The following CRB1 variants were observed in gnomAD, a reference collection of about 807,000 sequenced individuals.
The protein encoded by CRB1 is crumbs cell polarity complex component 1.
A neutral mutation model predicts 120.0 loss-of-function variants in CRB1; 83 were observed. The observed-to-expected ratio is 0.69, with a 90% CI of 0.58 to 0.83. The LOEUF is 0.83. Among genes scored for constraint, CRB1 ranks in the 40% least tolerant of loss-of-function variants. The probability of loss-of-function intolerance (pLI) is 0.00; values close to 1 mark genes in which losing one functional copy is unlikely to be tolerated. For synonymous variants in CRB1, 625 were observed against 612.5 expected (o/e 1.02, Z -0.30); for missense variants, 1,699 against 1,687.6 (o/e 1.01, Z -0.12).
At chr1:197,217,899 A>G in the CRB1 span, among the ~76,000 whole-genome samples, 1 of 152,230 alleles carries the variant, frequency 6.6e-6, no homozygotes, top group Non-Finnish European at 1.5e-5. Context: ...AAAACATAGT[A>G]CTTGTTGCCC....
chr1:197,297,926 G>A (rs1656631294), intron 1 of CRB1, among the ~76,000 whole-genome samples: 1 of 152,116 alleles, frequency 6.6e-6, no homozygotes. Flanking sequence ...ACCCTGGCCA[G>A]TAGGTTCATG....
intron 5 of CRB1, among the ~76,000 whole-genome samples, chr1:197,394,134 A>G (rs1000547928): frequency 3.3e-5 from 5 of 152,012 alleles, no homozygotes; most frequent in South Asian, 2.1e-4. Flanking sequence ...TGCCTGTGCC[A>G]TGCTGGAGAC....
chr1:197,457,452 A>C (rs1571606222), intron 11 of CRB1, among the ~76,000 whole-genome samples: 1 of 152,112 alleles, frequency 6.6e-6, no homozygotes, highest in South Asian at 2.1e-4. Context: ...GAGCATCTGC[A>C]TCTATTACCA....
chr1:197,247,088 A>G, the CRB1 span, among the ~76,000 whole-genome samples: 1 of 152,012 alleles, frequency 6.6e-6, no homozygotes, highest in Non-Finnish European at 1.5e-5. Context: ...TTCAGTTTAC[A>G]CCAAATGCTA....
chr1:197,424,102 A>C, intron 6 of CRB1, among the ~76,000 whole-genome samples: 1 of 152,134 alleles, frequency 6.6e-6, no homozygotes, highest in East Asian at 1.9e-4. Context: ...TGAGAATTTT[A>C]TTCTCTTAGA....
chr1:197,337,329 G>A (rs1571862452), intron 2 of CRB1, among the ~76,000 whole-genome samples: 1 of 152,090 alleles, frequency 6.6e-6, no homozygotes, highest in East Asian at 1.9e-4. Flanking sequence ...AAGGGGATGA[G>A]CCAAAAAATA....
chr1:197,364,676 G>A (rs1193380949), intron 5 of CRB1, among the ~76,000 whole-genome samples: 3 of 151,592 alleles, frequency 2.0e-5, no homozygotes, highest in African/African-American at 7.3e-5. Flanking sequence ...ATCTAGTATT[G>A]AGCCCATTCA....
At chr1:197,387,998 CTCTA>C (rs958820140) in intron 5 of CRB1, among the ~76,000 whole-genome samples, 6 of 151,648 alleles carry the variant, frequency 4.0e-5, no homozygotes, top group Admixed American at 1.3e-4. Flanking sequence ...CTCTCTCTCT[CTCTA>C]TATATATATA....
chr1:197,387,169 C>G (rs1662258725), intron 5 of CRB1, among the ~76,000 whole-genome samples: 1 of 152,000 alleles, frequency 6.6e-6, no homozygotes, highest in South Asian at 2.1e-4. Flanking sequence ...GTGGTGTATT[C>G]TGGGCTCACT....
the CRB1 span, among the ~76,000 whole-genome samples, chr1:197,248,881 C>T: frequency 2.0e-5 from 3 of 151,864 alleles, no homozygotes; most frequent in African/African-American, 7.2e-5. Context: ...TAAAGTAGAT[C>T]ATGAAACTTT....
intron 5 of CRB1, among the ~76,000 whole-genome samples, chr1:197,359,534 C>T (rs543190933): frequency 1.3e-5 from 2 of 152,160 alleles, no homozygotes; most frequent in Non-Finnish European, 2.9e-5. Context: ...TCATAACAGC[C>T]GCTGAATAAA....
the CRB1 span, among the ~76,000 whole-genome samples, chr1:197,231,697 A>G: frequency 6.6e-6 from 1 of 152,206 alleles, no homozygotes; most frequent in African/African-American, 2.4e-5. Context: ...TGGATATACC[A>G]TGTATATGGA....
At chr1:197,357,542 A>C (rs984765509) in intron 5 of CRB1, 6 of 195,196 alleles carry the variant, frequency 3.1e-5, no homozygotes, top group Admixed American at 1.1e-4. Flanking sequence ...TTATCCAATG[A>C]ACAGTTTTGT....
upstream of CRB1, among the ~76,000 whole-genome samples, chr1:197,267,592 T>A (rs993755006): frequency 6.6e-6 from 1 of 152,254 alleles, no homozygotes; most frequent in Non-Finnish European, 1.5e-5. Flanking sequence ...ATTCTGGTTT[T>A]AATTAATGGA....
chr1:197,371,366 C>T (rs188980281), intron 5 of CRB1, among the ~76,000 whole-genome samples: 50 of 152,228 alleles, frequency 3.3e-4, no homozygotes, highest in Non-Finnish European at 1.5e-5. Flanking sequence ...GGTGCCAAAT[C>T]TCATGGGGCC....
At chr1:197,319,767 A>T (rs1017162825) in intron 1 of CRB1, among the ~76,000 whole-genome samples, 1 of 151,864 alleles carries the variant, frequency 6.6e-6, no homozygotes, top group African/African-American at 2.4e-5. Flanking sequence ...GCAGAGGGAG[A>T]TGATGGCAAA....
intron 5 of CRB1, among the ~76,000 whole-genome samples, chr1:197,374,992 G>T (rs1273119898): frequency 1.3e-5 from 2 of 152,072 alleles, no homozygotes; most frequent in African/African-American, 4.8e-5. Flanking sequence ...GGGGTCTTTT[G>T]CTTCCCTCTT....
intron 5 of CRB1, among the ~76,000 whole-genome samples, chr1:197,408,656 A>G (rs781741269): frequency 5.3e-5 from 8 of 152,232 alleles, no homozygotes; most frequent in Non-Finnish European, 1.2e-4. Flanking sequence ...ATCCAACTCC[A>G]TACAAGACAG....
At chr1:197,429,081 C>T in intron 7 of CRB1, 1 of 1,507,390 alleles carries the variant, frequency 6.6e-7, no homozygotes, top group African/African-American at 1.4e-5. Context: ...CTGGAAACAC[C>T]TTCTTTTTAT....
Sources: allele counts gnomAD v4.1 joint callset (sites outside exome capture counted in the v4.1 genomes callset), GRCh38; gene constraint gnomAD v4.1.1; transcripts MANE v1.5; gene names NCBI Gene and HGNC (gene_info 2026-07-23, HGNC 2026-07-21).